Variants in HIPK2 observed in about 807,000 individuals in gnomAD.
HIPK2 encodes homeodomain-interacting protein kinase 2.
In HIPK2, 27 loss-of-function variants were observed where a neutral mutation model predicts 113.7. The ratio of observed to expected loss-of-function variants is 0.24; its 90% CI spans 0.17 to 0.33. The LOEUF is 0.33. Ranked by LOEUF, HIPK2 falls within the 10% of genes least tolerant of loss-of-function variation. The pLI is 1.00. For missense variants in HIPK2, 1,257 were observed against 1,588.0 expected (o/e 0.79, Z 3.54); for synonymous variants, 631 against 642.2 (o/e 0.98, Z 0.26).
At chr7:139,742,221 G>C (rs1035648395) in intron 1 of HIPK2, among the ~76,000 whole-genome samples, 1 of 152,184 alleles carries the variant, frequency 6.6e-6, no homozygotes, top group Non-Finnish European at 1.5e-5. Flanking sequence ...TGTTGATTTT[G>C]AGCAAGTCAC....
intron 2 of HIPK2, among the ~76,000 whole-genome samples, chr7:139,699,206 T>G (rs1008232195): frequency 2.0e-5 from 3 of 152,014 alleles, no homozygotes; most frequent in Non-Finnish European, 4.4e-5. Context: ...GTATCTCATT[T>G]CCCCAGGGCC....
At chr7:139,670,047 G>A (rs904555054) in intron 2 of HIPK2, among the ~76,000 whole-genome samples, 1 of 152,152 alleles carries the variant, frequency 6.6e-6, no homozygotes. Context: ...AAAAGATGTG[G>A]TTGAAATTAC....
intron 1 of HIPK2, among the ~76,000 whole-genome samples, chr7:139,759,711 G>C (rs1285445071): frequency 1.3e-5 from 2 of 152,110 alleles, no homozygotes; most frequent in African/African-American, 4.8e-5. Context: ...CTTTGTGTAA[G>C]GGAATAAGAA....
At chr7:139,670,605 T>G (rs1286721799) in intron 2 of HIPK2, among the ~76,000 whole-genome samples, 1 of 150,008 alleles carries the variant, frequency 6.7e-6, no homozygotes, top group African/African-American at 2.5e-5. Context: ...ACAAAAAAAG[T>G]GAAGGAAAAA....
chr7:139,665,268 G>A (rs924163659), intron 2 of HIPK2, among the ~76,000 whole-genome samples: 1 of 151,990 alleles, frequency 6.6e-6, no homozygotes, highest in African/African-American at 2.4e-5. Context: ...TGAACTCCTG[G>A]GCTCAAGCAA....
At chr7:139,665,113 C>G (rs1802006217) in intron 2 of HIPK2, among the ~76,000 whole-genome samples, 1 of 151,768 alleles carries the variant, frequency 6.6e-6, no homozygotes, top group South Asian at 2.1e-4. Context: ...TCATGGCTCC[C>G]TGCAGCCTAG....
At position 139,773,517 on chromosome 7, in the gene HIPK2, CAATAAGA is replaced by C. The variant is rs149849808; in HGVS notation, c.19+4081_19+4087del. ...ACAGGCGAATTACACGTTCAGAGAA[CAATAAGA>C]AATGCTCACATATCACACCCTCTTG... On this transcript the variant is annotated intron_variant, in intron 1 of 14. Transcript: ENST00000406875. 2.0e-3 allele frequency among the ~76,000 whole-genome samples: 312 copies of C among 152,248 alleles called. 1 individual carries two copies. The highest frequency in any genetic ancestry group is 6.5e-3 in the African/African-American group (272 of 41,550).
intron 2 of HIPK2, among the ~76,000 whole-genome samples, chr7:139,711,692 T>G (rs1419317197): frequency 6.6e-6 from 1 of 152,104 alleles, no homozygotes; most frequent in Admixed American, 6.5e-5. Flanking sequence ...ATTTGTAGTT[T>G]ACTGGTTCTG....
Position 139,716,357 on chromosome 7 carries a change from G to T in HIPK2, c.678C>A (p.Ala226=). ...ATGGGTGGTTCTTCAGGATCTTGATGGCTACGATCTCATTGGTGCCCCGTT... is the reference window on the plus strand; with the variant it reads ...ATGGGTGGTTCTTCAGGATCTTGATTGCTACGATCTCATTGGTGCCCCGTT... ...CWKRGTNEIV[A]IKILKNHPSY... The change falls in exon 2 of 15, where the codon GCC becomes GCA. Residue 226 remains alanine (A), a synonymous_variant. Coordinates refer to ENST00000406875, the MANE Select transcript of HIPK2 (RefSeq NM_022740.5). This position sits in a 1 kb window ranked among gnomAD's most constrained non-coding sequence, Gnocchi z 9.3. The T allele has an allele frequency of 6.2e-7, 1 of 1,614,160 alleles. No homozygotes were observed. The highest frequency in any genetic ancestry group is 8.5e-7 in the Non-Finnish European group (1 of 1,180,026).
intron 1 of HIPK2, among the ~76,000 whole-genome samples, chr7:139,738,534 AT>A (rs1569483371): frequency 6.6e-6 from 1 of 152,202 alleles, no homozygotes; most frequent in Admixed American, 6.5e-5. Context: ...GCACCATGAT[AT>A]TTGTAACTTA....
intron 2 of HIPK2, among the ~76,000 whole-genome samples, chr7:139,668,615 G>A (rs574797186): frequency 6.6e-6 from 1 of 152,056 alleles, no homozygotes; most frequent in Non-Finnish European, 1.5e-5. Flanking sequence ...TTAACTGGGT[G>A]TCTGGTGAGA....
At chr7:139,648,054 G>A (rs1801305880) in intron 2 of HIPK2, among the ~76,000 whole-genome samples, 1 of 152,210 alleles carries the variant, frequency 6.6e-6, no homozygotes, top group African/African-American at 2.4e-5. Flanking sequence ...GCTCAGGGTG[G>A]TGATGCACAC....
chr7:139,675,821 T>C (rs759465234), intron 2 of HIPK2, among the ~76,000 whole-genome samples: 1 of 152,142 alleles, frequency 6.6e-6, no homozygotes, highest in Non-Finnish European at 1.5e-5. Flanking sequence ...GAGGTAATAC[T>C]TGCCAACCCC....
chr7:139,626,197 G>A (rs748872309), intron 6 of HIPK2, among the ~76,000 whole-genome samples: 1 of 151,684 alleles, frequency 6.6e-6, no homozygotes, highest in African/African-American at 2.4e-5. Context: ...CTGCTTCCCA[G>A]GTTCAAGCAA....
At position 139,757,596 on chromosome 7, in the gene HIPK2, G is replaced by A. The variant is rs530307342; in HGVS notation, c.19+20009C>T. ...TGGATGAACCTTGATAACAAGCTAAGTGAAAGAAGCCAGCTGCAAAAGACC... is the reference window on the plus strand; with the variant it reads ...TGGATGAACCTTGATAACAAGCTAAATGAAAGAAGCCAGCTGCAAAAGACC... On this transcript the variant is annotated intron_variant, in intron 1 of 14. Transcript: ENST00000406875. Among the ~76,000 whole-genome samples the A allele has an allele frequency of 3.8e-4, 58 of 152,266 alleles. 2 individuals carry two copies. The South Asian group carries it at 0.012, about 30-fold the overall frequency.
intron 2 of HIPK2, among the ~76,000 whole-genome samples, chr7:139,685,159 A>C (rs752277689): frequency 6.6e-6 from 1 of 152,206 alleles, no homozygotes; most frequent in Non-Finnish European, 1.5e-5. Context: ...GAAGGTGGCT[A>C]CATGAAACAA....
intron 2 of HIPK2, among the ~76,000 whole-genome samples, chr7:139,686,729 G>A (rs774717803): frequency 6.6e-6 from 1 of 152,170 alleles, no homozygotes; most frequent in Non-Finnish European, 1.5e-5. Flanking sequence ...AAATTACCCA[G>A]TCTCGGGTAT....
At position 139,614,339 on chromosome 7, in the gene HIPK2, G is replaced by A; in HGVS notation, c.1937C>T (p.Ala646Val). Reference sequence around the variant, plus strand: ...AGCTTGCTGGAACGGGTCAGGCCGGGCACAAATCTGGGCTGTTCCTGTCTG... The same window carrying A: ...AGCTTGCTGGAACGGGTCAGGCCGGACACAAATCTGGGCTGTTCCTGTCTG... ...PLQTGTAQIC[A>V]RPDPFQQALI... The change falls in exon 8 of 15, where the codon GCC becomes GTC. Residue 646 changes from alanine (A) to valine (V), a missense_variant. Around this residue, in one of 5 missense-constraint regions of HIPK2, gnomAD observed 862 missense variants for 1,004.3 expected, o/e 0.86. Transcript: ENST00000406875. 6.3e-7 allele frequency: 1 copy of A among 1,575,772 alleles called. No individual in the cohort carries two copies. Among genetic ancestry groups the A allele is most frequent in the Non-Finnish European group, 8.7e-7 (1 of 1,155,296 alleles).
At position 139,567,136 on chromosome 7, in the gene HIPK2, G is replaced by C. The variant is rs1280745511; in HGVS notation, c.*5791C>G. The C allele has an allele frequency of 6.6e-6, 1 of 152,130 alleles. No homozygotes were observed. The highest frequency in any genetic ancestry group is 2.4e-5 in the African/African-American group (1 of 41,406). The allele number at this position is 152,130 out of a possible 1,614,324, so 9.4% of individuals were successfully genotyped here. On this transcript the variant is annotated 3_prime_UTR_variant, in exon 15 of 15. Transcript: ENST00000406875. ...CTCTAGTGGCCTGAGATTTTACTGA[G>C]TCTGGTCTGTGGAGATGAGAAGTGA...
Sources: gnomAD v4.1 joint callset for allele counts (sites outside exome capture counted in the v4.1 genomes callset) on GRCh38, gnomAD v4.1.1 for gene constraint, gnomAD v4.1.1 regional missense constraint, Gnocchi (gnomAD v3.1) non-coding constraint, MANE v1.5 for transcripts, NCBI Gene and HGNC (gene_info 2026-07-23, HGNC 2026-07-21) for gene names.